The following CAPN7 variants were observed in gnomAD, a reference collection of about 807,000 sequenced individuals.
The protein encoded by CAPN7 is calpain 7, also known as calpain-7.
In CAPN7, 72 loss-of-function variants were observed where a neutral mutation model predicts 115.2. The observed-to-expected ratio is 0.63, with a 90% CI of 0.52 to 0.76. The LOEUF is 0.76. CAPN7 is among the 30% of genes least tolerant of loss of function. CAPN7 has a pLI of 0.00. For synonymous variants in CAPN7, 344 were observed against 322.3 expected, an observed-to-expected ratio of 1.07 and a Z score of -0.72; for missense variants, 905 against 971.5, an observed-to-expected ratio of 0.93 and a Z score of 0.91.
intron 11 of CAPN7, among the ~76,000 whole-genome samples, chr3:15,234,181 T>G (rs1694855572): frequency 1.3e-5 from 2 of 152,250 alleles, no homozygotes; most frequent in South Asian, 4.1e-4. Context: ...CCGGATGTGG[T>G]GGCAGGCACC....
intron 18 of CAPN7, 130 bp from the exon 19 acceptor site, chr3:15,247,197 T>TG: frequency 7.7e-6 from 5 of 650,234 alleles, no homozygotes; most frequent in Non-Finnish European, 1.3e-5. Flanking sequence ...CAAATAAAGA[T>TG]GGGAGAGAGG....
chr3:15,248,682 T>A (rs1364481982), intron 19 of CAPN7, among the ~76,000 whole-genome samples: 1 of 152,132 alleles, frequency 6.6e-6, no homozygotes, highest in Non-Finnish European at 1.5e-5. Context: ...TTCATAGTTT[T>A]AAAAGGTTTA....
In CAPN7 at chr3:15,211,588, GC is replaced by G. The variant is rs200920166; in HGVS notation, c.103-514del. On this transcript the variant is annotated intron_variant, in intron 1 of 20. Coordinates refer to ENST00000253693, the MANE Select transcript of CAPN7 (RefSeq NM_014296.3). ...TAATTCTGACTCTATCTTTGAAAAA[GC>G]CAAAAAAAAAAAAGTATGATTTGGG... Among the ~76,000 whole-genome samples the G allele has an allele frequency of 7.1e-3, 1,024 of 143,318 alleles. 19 individuals are homozygous for G. Among genetic ancestry groups the G allele is most frequent in the African/African-American group, 0.025 (984 of 40,040 alleles). 94.0% of individuals were successfully genotyped at this position (143,318 alleles called of 152,430 possible).
intron 12 of CAPN7, among the ~76,000 whole-genome samples, 170 bp from the exon 13 acceptor site, chr3:15,240,303 T>A (rs1695264058): frequency 6.6e-6 from 1 of 152,264 alleles, no homozygotes; most frequent in South Asian, 2.1e-4. Flanking sequence ...GGCAGCCATT[T>A]ACAGTTTTTG....
chr3:15,222,872 T>G (rs1694083932), intron 5 of CAPN7, among the ~76,000 whole-genome samples: 1 of 152,228 alleles, frequency 6.6e-6, no homozygotes, highest in South Asian at 2.1e-4. Flanking sequence ...ACCTAAAGAC[T>G]AAATTCTGAA....
intron 16 of CAPN7, among the ~76,000 whole-genome samples, chr3:15,244,286 A>G (rs566274151): frequency 7.2e-5 from 11 of 152,238 alleles, no homozygotes; most frequent in Non-Finnish European, 1.6e-4. Flanking sequence ...TAGTAGGTCC[A>G]GTGACAAATA....
intron 6 of CAPN7, among the ~76,000 whole-genome samples, chr3:15,226,924 A>G (rs531504018): frequency 6.6e-6 from 1 of 152,144 alleles, no homozygotes; most frequent in African/African-American, 2.4e-5. Flanking sequence ...AAATCTTTTG[A>G]AAACCAAGGA....
intron 2 of CAPN7, 123 bp downstream of exon 2, chr3:15,212,335 T>C: frequency 1.8e-6 from 1 of 562,110 alleles, no homozygotes; most frequent in Non-Finnish European, 3.2e-6. Flanking sequence ...CTGTTGCTGC[T>C]CATTCCACTT....
chr3:15,249,595 T>A (rs1173235242), intron 19 of CAPN7, among the ~76,000 whole-genome samples: 1 of 152,130 alleles, frequency 6.6e-6, no homozygotes, highest in Non-Finnish European at 1.5e-5. Flanking sequence ...AAATACAATT[T>A]AAGAGTTTTT....
chr3:15,219,623 C>T (rs940862212), intron 4 of CAPN7, among the ~76,000 whole-genome samples: 73 of 152,162 alleles, frequency 4.8e-4, no homozygotes, highest in African/African-American at 1.7e-3. Flanking sequence ...TAGCCATGGG[C>T]TCCTATGAGG....
At chr3:15,220,680 A>G (rs2124914329) in intron 4 of CAPN7, 101 bp from the exon 5 acceptor site, 2 of 929,388 alleles carry the variant, frequency 2.2e-6, no homozygotes, top group South Asian at 1.5e-5. Flanking sequence ...CTAATTTTAC[A>G]TTAGGGATGC....
rs1290366657 is a variant in CAPN7, at chr3:15,249,771, TTTC to T, written c.2205-1157_2205-1155del. Among the ~76,000 whole-genome samples, 10 of 151,918 alleles carry T rather than the reference TTTC, an allele frequency of 6.6e-5. No homozygotes were observed. The South Asian group carries it at 1.5e-3, about 22-fold the overall frequency. On this transcript the variant is annotated intron_variant, in intron 19 of 20. Transcript: ENST00000253693. ...CATTTGTTACAATAACAATTTTTTT[TTTC>T]TTTTTTTTTTGAGACAGAGTCTTGC...
rs1287590285 is a variant in CAPN7 at position 15,229,070 on chromosome 3, G to A, written c.938+11G>A. The A allele has an allele frequency of 1.9e-6, 3 of 1,587,484 alleles. No individual in the cohort carries two copies. In the South Asian group the frequency reaches 3.3e-5, roughly 18 times the overall value. ...GAAGTTAATTACCGGGTAAAAATGTGTCTCTCTTTACCTCTTTTTGTGTAA... is the reference window on the plus strand; with the variant it reads ...GAAGTTAATTACCGGGTAAAAATGTATCTCTCTTTACCTCTTTTTGTGTAA... On this transcript the variant is annotated intron_variant, in intron 8 of 20. Transcript: ENST00000253693.
At chr3:15,237,016 C>T (rs1172831771) in intron 12 of CAPN7, among the ~76,000 whole-genome samples, 1 of 152,160 alleles carries the variant, frequency 6.6e-6, no homozygotes, top group African/African-American at 2.4e-5. Context: ...CCAGTCAAAT[C>T]ATCAGTGGTG....
chr3:15,210,426 A>AT (rs1244399979), intron 1 of CAPN7, among the ~76,000 whole-genome samples: 3 of 152,102 alleles, frequency 2.0e-5, no homozygotes, highest in Non-Finnish European at 4.4e-5. Flanking sequence ...ATGTATTTAG[A>AT]TAATGATGGT....
At chr3:15,245,493 T>C in intron 16 of CAPN7, 33 bp from the exon 17 acceptor site, 2 of 1,577,450 alleles carry the variant, frequency 1.3e-6, no homozygotes, top group South Asian at 2.4e-5. Flanking sequence ...AAGAAAAGTC[T>C]CCTTTTCTCT....
chr3:15,219,566 A>T (rs1049123369), intron 4 of CAPN7, among the ~76,000 whole-genome samples: 5 of 152,308 alleles, frequency 3.3e-5, no homozygotes, highest in Non-Finnish European at 4.4e-5. Flanking sequence ...TCTGTGGCTA[A>T]CCCATCCAAT....
chr3:15,212,986 G>A (rs2045041751), intron 2 of CAPN7, among the ~76,000 whole-genome samples: 1 of 152,152 alleles, frequency 6.6e-6, no homozygotes, highest in African/African-American at 2.4e-5. Context: ...TTAATCATTG[G>A]ATTCCTTGTT....
intron 16 of CAPN7, 77 bp downstream of exon 16, chr3:15,242,330 A>G (rs980927134): frequency 1.1e-6 from 1 of 900,218 alleles, no homozygotes; most frequent in Non-Finnish European, 1.7e-6. Context: ...GAAAAATGAC[A>G]CATTTTATGT....
Sources: allele counts gnomAD v4.1 joint callset (sites outside exome capture counted in the v4.1 genomes callset), GRCh38; gene constraint gnomAD v4.1.1; transcripts MANE v1.5; gene names NCBI Gene and HGNC (gene_info 2026-07-23, HGNC 2026-07-21).